STPG2: variants seen among roughly 807,000 people sequenced by gnomAD.
STPG2 encodes the protein sperm tail PG-rich repeat containing 2.
STPG2 carries 56 observed loss-of-function variants against 54.2 expected under a neutral mutation model. The ratio of observed to expected loss-of-function variants is 1.03; its 90% CI spans 0.83 to 1.29. The LOEUF is 1.29. Among genes scored for constraint, STPG2 ranks in the 50% most tolerant of loss-of-function variants. The pLI is 0.00. For missense variants in STPG2, 596 were observed against 544.9 expected (o/e 1.09, Z -0.93); for synonymous variants, 200 against 181.8 (o/e 1.10, Z -0.81).
At chr4:97,594,676 C>A (rs1733236213) in intron 10 of STPG2, among the ~76,000 whole-genome samples, 1 of 152,036 alleles carries the variant, frequency 6.6e-6, no homozygotes, top group African/African-American at 2.4e-5. Flanking sequence ...ACAAAATGAC[C>A]ATCCCCAACA....
intron 9 of STPG2, among the ~76,000 whole-genome samples, chr4:97,815,461 C>T (rs533131087): frequency 1.7e-4 from 26 of 152,118 alleles, no homozygotes; most frequent in Non-Finnish European, 3.1e-4. Context: ...TTCAGCTTTC[C>T]GAATATTTTT....
At chr4:97,926,947 T>C (rs1732352180) in intron 8 of STPG2, among the ~76,000 whole-genome samples, 1 of 152,088 alleles carries the variant, frequency 6.6e-6, no homozygotes, top group African/African-American at 2.4e-5. Flanking sequence ...TTGTACGTAA[T>C]AACACACTTA....
rs564219391 is a variant in STPG2, at chr4:98,136,983, G to A, written c.110-2524C>T. Among the ~76,000 whole-genome samples, 89 of 151,750 alleles carry A rather than the reference G, an allele frequency of 5.9e-4. 1 individual carries two copies. Among genetic ancestry groups the A allele is most frequent in the East Asian group, 1.5e-3 (8 of 5,178 alleles). On this transcript the variant is annotated intron_variant, in intron 1 of 10. Coordinates refer to ENST00000295268, the MANE Select transcript of STPG2 (RefSeq NM_174952.3). ...GATAAATGGAAAGCAAATAGCAAAA[G>A]AGCATATTAAAACCCGAAGATACTG... is the stretch of plus-strand genomic sequence containing the variant.
At chr4:98,022,202 G>A (rs1395363870) in intron 5 of STPG2, among the ~76,000 whole-genome samples, 2 of 152,058 alleles carry the variant, frequency 1.3e-5, no homozygotes. Flanking sequence ...GGCTCTTTTA[G>A]GGCAGGTCTG....
chr4:97,684,697 A>G (rs1038375631), intron 10 of STPG2, among the ~76,000 whole-genome samples: 2 of 151,952 alleles, frequency 1.3e-5, no homozygotes, highest in Non-Finnish European at 2.9e-5. Context: ...TGCAATGAAT[A>G]TTAGATACAA....
intron 8 of STPG2, among the ~76,000 whole-genome samples, chr4:97,898,562 G>A (rs999340861): frequency 4.6e-5 from 7 of 151,374 alleles, no homozygotes; most frequent in African/African-American, 1.2e-4. Flanking sequence ...TCAATATCTC[G>A]AATGTTTCTA....
intron 7 of STPG2, among the ~76,000 whole-genome samples, chr4:97,948,136 A>G (rs1222150118): frequency 3.3e-5 from 5 of 151,964 alleles, no homozygotes; most frequent in African/African-American, 1.2e-4. Context: ...AATCTAAAAA[A>G]GTTGTAGGTT....
intron 8 of STPG2, among the ~76,000 whole-genome samples, chr4:97,931,664 TTTTGTTGTTGTTGTTG>T (rs1400191907): frequency 6.7e-6 from 1 of 150,272 alleles, no homozygotes; most frequent in Non-Finnish European, 1.5e-5. Flanking sequence ...TTTTTTTGTT[TTTTGTTGTTGTTGTTG>T]TTTGTTGTTT....
At chr4:98,132,538 A>T (rs1393301233) in intron 2 of STPG2, among the ~76,000 whole-genome samples, 2 of 152,020 alleles carry the variant, frequency 1.3e-5, no homozygotes, top group Admixed American at 6.5e-5. Flanking sequence ...GTCCTGGATT[A>T]TCTGAAATAA....
At chr4:97,683,462 T>C (rs1382378929) in intron 10 of STPG2, among the ~76,000 whole-genome samples, 1 of 151,830 alleles carries the variant, frequency 6.6e-6, no homozygotes, top group Non-Finnish European at 1.5e-5. Flanking sequence ...ACCACTAGTG[T>C]GATTGCAATG....
chr4:97,733,224 G>A (rs547809107), intron 9 of STPG2, among the ~76,000 whole-genome samples: 4 of 152,184 alleles, frequency 2.6e-5, no homozygotes, highest in African/African-American at 7.2e-5. Context: ...TAAAGAAAAC[G>A]TGGTGTATAT....
chr4:97,917,677 G>C (rs1017851633), intron 8 of STPG2, among the ~76,000 whole-genome samples: 9 of 152,076 alleles, frequency 5.9e-5, no homozygotes, highest in Non-Finnish European at 1.2e-4. Context: ...TCTTGATACA[G>C]AGGATAGAAA....
chr4:97,844,196 A>G lies in STPG2; in HGVS notation c.1045-3264T>C, dbSNP rs11934013. Among the ~76,000 whole-genome samples, 1,234 of 152,050 alleles carry G rather than the reference A, an allele frequency of 8.1e-3. 16 individuals are homozygous for G. The highest frequency in any genetic ancestry group is 0.028 in the African/African-American group (1,168 of 41,524). ...TATACTCTCTGATCTCAGACATGTG[A>G]AACTGCATGTAGGTTCTGATCTTCA... On this transcript the variant is annotated intron_variant, in intron 8 of 10. Transcript: ENST00000295268.
At chr4:97,690,721 T>A (rs1197008532) in intron 10 of STPG2, among the ~76,000 whole-genome samples, 2 of 152,172 alleles carry the variant, frequency 1.3e-5, no homozygotes, top group Non-Finnish European at 2.9e-5. Context: ...ATTTACATGA[T>A]TCCATTAATA....
At chr4:97,453,050 G>C (rs1729417425) in intron 4 of STPG2, among the ~76,000 whole-genome samples, 1 of 152,212 alleles carries the variant, frequency 6.6e-6, no homozygotes, top group Non-Finnish European at 1.5e-5. Context: ...ACATGAACTT[G>C]TTTACCACCT....
At chr4:97,844,707 G>GT (rs988647861) in intron 8 of STPG2, among the ~76,000 whole-genome samples, 21 of 151,788 alleles carry the variant, frequency 1.4e-4, no homozygotes, top group Non-Finnish European at 1.5e-4. Flanking sequence ...GGATATAGTG[G>GT]TTTTTTTTAT....
intron 9 of STPG2, among the ~76,000 whole-genome samples, chr4:97,737,161 G>T (rs996840599): frequency 2.6e-5 from 4 of 152,194 alleles, no homozygotes; most frequent in African/African-American, 7.2e-5. Context: ...CTGTCTGTTA[G>T]AAGGAAAACT....
At chr4:97,883,180 T>C (rs911742355) in intron 8 of STPG2, among the ~76,000 whole-genome samples, 6 of 151,240 alleles carry the variant, frequency 4.0e-5, no homozygotes, top group Non-Finnish European at 5.9e-5. Flanking sequence ...TACACATATA[T>C]ACATATATGT....
chr4:97,714,407 T>C (rs1350084988), intron 9 of STPG2, among the ~76,000 whole-genome samples: 1 of 152,146 alleles, frequency 6.6e-6, no homozygotes, highest in Non-Finnish European at 1.5e-5. Context: ...AGCTAATGTG[T>C]TTTGATACAT....
Sources: allele counts gnomAD v4.1 joint callset (sites outside exome capture counted in the v4.1 genomes callset), GRCh38; gene constraint gnomAD v4.1.1; transcripts MANE v1.5; gene names NCBI Gene and HGNC (gene_info 2026-07-23, HGNC 2026-07-21).